ZNF587B: variants seen among roughly 807,000 people sequenced by gnomAD.
ZNF587B encodes zinc finger protein 587B.
In ZNF587B, 6 loss-of-function variants were observed where a neutral mutation model predicts 7.2. That is an observed-to-expected ratio of 0.83 (90% CI 0.46 to 1.65). ZNF587B has a LOEUF of 1.65. ZNF587B is among the 40% of genes most tolerant of loss of function. ZNF587B has a pLI of 0.01. For synonymous variants in ZNF587B, 274 were observed against 254.3 expected, an observed-to-expected ratio of 1.08 and a Z score of -0.74; for missense variants, 749 against 761.0, an observed-to-expected ratio of 0.98 and a Z score of 0.19.
intron 1 of ZNF587B, among the ~76,000 whole-genome samples, chr19:57,837,203 A>G (rs1398808518): frequency 1.3e-5 from 2 of 150,812 alleles, no homozygotes; most frequent in South Asian, 2.1e-4. Context: ...TCCAACCCCC[A>G]TGTGGCTCTT....
At chr19:57,835,333 G>A (rs1434726047) in intron 1 of ZNF587B, among the ~76,000 whole-genome samples, 1 of 124,752 alleles carries the variant, frequency 8.0e-6, no homozygotes, top group East Asian at 2.2e-4. Context: ...AGGGTTTCAG[G>A]TATGACGCTG....
Position 57,843,536 on chromosome 19 carries a change from C to T in ZNF587B, c.*960C>T, listed in dbSNP as rs936365633. 6 of 978,982 alleles carry T rather than the reference C, an allele frequency of 6.1e-6. No homozygotes were observed. Among genetic ancestry groups the T allele is most frequent in the Non-Finnish European group, 7.2e-6 (6 of 828,510 alleles). 60.6% of individuals were successfully genotyped at this position (978,982 alleles called of 1,614,324 possible). On this transcript the variant is annotated 3_prime_UTR_variant, in exon 3 of 3. Transcript: ENST00000594901. Reference sequence around the variant, plus strand: ...GTATATTTTGGTTGTCTCCCATTCACGAGAGATTTTTTTTTTAAGTTTTTT... The same window carrying T: ...GTATATTTTGGTTGTCTCCCATTCATGAGAGATTTTTTTTTTAAGTTTTTT...
chr19:57,832,212 G>A (rs777376299), intron 1 of ZNF587B, among the ~76,000 whole-genome samples: 2 of 151,696 alleles, frequency 1.3e-5, no homozygotes, highest in East Asian at 2.0e-4. Flanking sequence ...TCAGCCTCCC[G>A]AGTAGCTGGG....
At chr19:57,838,891 C>T (rs566291076) in intron 1 of ZNF587B, 132 bp from the exon 2 acceptor site, 19 of 1,356,312 alleles carry the variant, frequency 1.4e-5, no homozygotes, top group East Asian at 2.3e-5. Context: ...ACCCCATGAC[C>T]AGTGGGCCTA....
Position 57,830,773 on chromosome 19 carries a change from A to C in ZNF587B, c.36+209A>C, listed in dbSNP as rs539089680. Among the ~76,000 whole-genome samples the C allele has an allele frequency of 4.6e-5, 7 of 151,344 alleles. No homozygotes were observed. In the East Asian group the frequency reaches 1.2e-3, roughly 26 times the overall value. ...CTGAGCGAGTTAGAGAAAACGCCAC[A>C]CTTTGAGACGAATTAAGAGTCCGTT... On this transcript the variant is annotated intron_variant, in intron 1 of 2. Transcript: ENST00000594901.
chr19:57,842,205 G>T lies in ZNF587B; in HGVS notation c.1531G>T (p.Ala511Ser), dbSNP rs1241000606. 1.9e-6 allele frequency: 3 copies of T among 1,613,258 alleles called. No homozygotes were observed. Among genetic ancestry groups the T allele is most frequent in the Non-Finnish European group, 2.5e-6 (3 of 1,179,516 alleles). Reference sequence around the variant, plus strand: ...TTTTAGGCACAAGTGCCACCTCACTGCACACCAGAGAGTTCACACTGGAGA... The same window carrying T: ...TTTTAGGCACAAGTGCCACCTCACTTCACACCAGAGAGTTCACACTGGAGA... Reference protein sequence around the residue: ...KFFRHKCHLTAHQRVHTGERP... With the variant: ...KFFRHKCHLTSHQRVHTGERP... The change falls in exon 3 of 3, where the codon GCA (alanine) becomes TCA (serine). Residue 511 changes from alanine (A) to serine (S), a missense_variant. Coordinates refer to ENST00000594901, the MANE Select transcript of ZNF587B (RefSeq NM_001376223.1).
chr19:57,841,996 G>A lies in ZNF587B; in HGVS notation c.1322G>A (p.Gly441Glu). The A allele has an allele frequency of 1.2e-6, 2 of 1,603,974 alleles. No individual in the cohort carries two copies. The highest frequency in any genetic ancestry group is 1.1e-5 in the South Asian group (1 of 90,066). Residue 441 changes from glycine (G) to glutamate (E), a missense_variant, in exon 3 of 3, where the codon GGG becomes GAG. Transcript: ENST00000594901. ...VHTTERPYKCGECGKCFSHKG... is the reference protein window; with the variant it reads ...VHTTERPYKCEECGKCFSHKG... ...ACTACAGAAAGACCTTATAAGTGTG[G>A]GGAATGTGGGAAATGTTTTAGTCAC...
In ZNF587B at chr19:57,843,587, G is replaced by GTGT. The variant is rs1988945849; in HGVS notation, c.*1012_*1013insGTT. On this transcript the variant is annotated 3_prime_UTR_variant, in exon 3 of 3. Transcript: ENST00000594901. Reference sequence around the variant, plus strand: ...GTTTGGTTGGTTGGTTGGTTGGTTGGTTGTTTTTTTTTGTTTTTTTTTTTT... The same window carrying GTGT: ...GTTTGGTTGGTTGGTTGGTTGGTTGGTGTTTGTTTTTTTTTGTTTTTTTTTTTT... 9.2e-6 allele frequency: 7 copies of GTGT among 759,880 alleles called. No individual in the cohort carries two copies. Among genetic ancestry groups the GTGT allele is most frequent in the Non-Finnish European group, 9.1e-6 (6 of 658,886 alleles). 47.1% of individuals were successfully genotyped at this position (759,880 alleles called of 1,614,324 possible). A position where few individuals can be genotyped will look rare whatever the true frequency, so the allele number is the denominator to read the frequency against.
Position 57,842,781 on chromosome 19 carries a change from T to C in ZNF587B, c.*205T>C. ...ACACCTCTGTATTCCTTCAGGATTATATTTAACACTGAATGAAGGCCTTAC... is the reference window on the plus strand; with the variant it reads ...ACACCTCTGTATTCCTTCAGGATTACATTTAACACTGAATGAAGGCCTTAC... On this transcript the variant is annotated 3_prime_UTR_variant, in exon 3 of 3. Transcript: ENST00000594901. 1.0e-6 allele frequency: 1 copy of C among 985,436 alleles called. No homozygotes were observed. Among genetic ancestry groups the C allele is most frequent in the Non-Finnish European group, 1.2e-6 (1 of 829,932 alleles). The allele number at this position is 985,436 out of a possible 1,614,324, so 61.0% of individuals were successfully genotyped here. A position where few individuals can be genotyped will look rare whatever the true frequency, so the allele number is the denominator to read the frequency against.
rs141865621 is a variant in ZNF587B at position 57,830,352 on chromosome 19, G to A, written c.-177G>A. ...GGCTCCTGAGCGCTAGGTCGGCACT[G>A]CGGTGACTGAACCCAGAAGGCGGAG... is the stretch of plus-strand genomic sequence containing the variant. On this transcript the variant is annotated 5_prime_UTR_variant, in exon 1 of 3. Transcript: ENST00000594901. 3.1e-6 allele frequency: 2 copies of A among 638,508 alleles called. No homozygotes were observed. Among genetic ancestry groups the A allele is most frequent in the African/African-American group, 1.8e-5 (1 of 54,770 alleles). The allele number at this position is 638,508 out of a possible 1,614,324, so 39.6% of individuals were successfully genotyped here.
rs1254952926 is a variant in ZNF587B, at chr19:57,843,806, T to G, written c.*1230T>G. On this transcript the variant is annotated 3_prime_UTR_variant, in exon 3 of 3. Coordinates refer to ENST00000594901, the MANE Select transcript of ZNF587B (RefSeq NM_001376223.1). ...TAGTAGAGATGGGGTTTCACTATGT[T>G]GGTCAAACTGATCTTGAACTCCTAA... is the stretch of plus-strand genomic sequence containing the variant. Among the ~76,000 whole-genome samples the G allele has an allele frequency of 6.6e-6, 1 of 152,020 alleles. No homozygotes were observed. Among genetic ancestry groups the G allele is most frequent in the Non-Finnish European group, 1.5e-5 (1 of 68,000 alleles).
chr19:57,831,774 G>A (rs1988410134), intron 1 of ZNF587B, among the ~76,000 whole-genome samples: 1 of 150,260 alleles, frequency 6.7e-6, no homozygotes, highest in Non-Finnish European at 1.5e-5. Context: ...GCGTGATCTC[G>A]GCTCACTGCA....
rs1305400444 is a variant in ZNF587B at position 57,833,149 on chromosome 19, C to T, written c.36+2585C>T. The stretch of plus-strand genomic sequence containing the variant: ...CCTTAGGACGGTGAGTTCCCCAGGC[C>T]TCAGGTTGGTATACAGATGCCATCC... On this transcript the variant is annotated intron_variant, in intron 1 of 2. Transcript: ENST00000594901. Among the ~76,000 whole-genome samples, 5 of 151,830 alleles carry T rather than the reference C, an allele frequency of 3.3e-5. No individual in the cohort carries two copies. In the East Asian group the frequency reaches 7.7e-4, roughly 23 times the overall value.
rs1379073471 is a variant in ZNF587B, at chr19:57,841,032, C to T, written c.358C>T (p.His120Tyr). Residue 120 changes from histidine to tyrosine, a missense_variant, in exon 3 of 3, where the codon CAC (histidine) becomes TAC (tyrosine). By Grantham distance (83) the His-to-Tyr change is moderately conservative. Coordinates refer to ENST00000594901, the MANE Select transcript of ZNF587B (RefSeq NM_001376223.1). ...HQGTHHKQKL[H>Y]RCEAWGNKLY... ...GGGAACACATCACAAGCAGAAACTG[C>T]ACAGGTGTGAGGCCTGGGGGAATAA... is the stretch of plus-strand genomic sequence containing the variant. The T allele has an allele frequency of 6.2e-7, 1 of 1,611,466 alleles. No individual in the cohort carries two copies. The highest frequency in any genetic ancestry group is 1.1e-5 in the South Asian group (1 of 90,870).
chr19:57,830,998 A>G (rs1988363072), intron 1 of ZNF587B, among the ~76,000 whole-genome samples: 1 of 152,236 alleles, frequency 6.6e-6, no homozygotes, highest in Non-Finnish European at 1.5e-5. Context: ...GAAAGTAAAC[A>G]GTTCCAGGTG....
At chr19:57,838,828 C>T (rs112114460) in intron 1 of ZNF587B, among the ~76,000 whole-genome samples, 195 bp from the exon 2 acceptor site, 5 of 152,238 alleles carry the variant, frequency 3.3e-5, no homozygotes, top group Non-Finnish European at 7.3e-5. Context: ...GACTTTATGT[C>T]ACAGCCACTG....
chr19:57,838,950 T>C (rs1420170090), intron 1 of ZNF587B, 73 bp from the exon 2 acceptor site: 2 of 1,519,896 alleles, frequency 1.3e-6, no homozygotes, highest in Non-Finnish European at 9.0e-7. Flanking sequence ...CGAGAGTAGA[T>C]GTGTGGGAGA....
chr19:57,840,798 A>C (rs1227311153), intron 2 of ZNF587B, 40 bp from the exon 3 acceptor site: 1 of 1,585,382 alleles, frequency 6.3e-7, no homozygotes, highest in African/African-American at 1.4e-5. Context: ...CCTTCCCACC[A>C]GAGTTAACAT....
In ZNF587B at chr19:57,843,044, G is replaced by A. The variant is rs1333978652; in HGVS notation, c.*468G>A. The A allele has an allele frequency of 2.2e-6, 2 of 921,766 alleles. No individual in the cohort carries two copies. The highest frequency in any genetic ancestry group is 5.0e-5 in the South Asian group (1 of 20,030). 57.1% of individuals were successfully genotyped at this position (921,766 alleles called of 1,614,324 possible). On this transcript the variant is annotated 3_prime_UTR_variant, in exon 3 of 3. Transcript: ENST00000594901. ...ACGGTCTCACTCCATCACCCATGCT[G>A]GTGTGCAGTGCTGCGATCGTAGCTC...
Sources: gnomAD v4.1 joint callset for allele counts (sites outside exome capture counted in the v4.1 genomes callset) on GRCh38, gnomAD v4.1.1 for gene constraint, MANE v1.5 for transcripts, NCBI Gene and HGNC (gene_info 2026-07-23, HGNC 2026-07-21) for gene names.